ABCC3: variants seen among roughly 807,000 people sequenced by gnomAD.
ABCC3 encodes the protein ATP binding cassette subfamily C member 3.
In ABCC3, 121 loss-of-function variants were observed where a neutral mutation model predicts 165.3. The ratio of observed to expected loss-of-function variants is 0.73; its 90% confidence interval spans 0.63 to 0.85. The LOEUF is 0.85. ABCC3 is among the 40% of genes least tolerant of loss of function. The pLI is 0.00. For synonymous variants in ABCC3, 733 were observed against 810.1 expected, an observed-to-expected ratio of 0.90 and a Z score of 1.62; for missense variants, 1,869 against 1,964.1, an observed-to-expected ratio of 0.95 and a Z score of 0.92.
chr17:50,673,447 G>A (rs371465594), intron 18 of ABCC3, 22 bp from the exon 19 acceptor site: 2 of 1,610,184 alleles, frequency 1.2e-6, no homozygotes, highest in Admixed American at 1.7e-5. Flanking sequence ...GTAGGGGTGA[G>A]AGCCTGCTGC....
rs1597852092 is a variant in ABCC3, at chr17:50,665,005, C to T, written c.1339-148C>T. 6.0e-6 allele frequency: 4 copies of T among 662,082 alleles called. No individual in the cohort carries two copies. The East Asian group carries it at 7.9e-5, about 13-fold the overall frequency. The allele number at this position is 662,082 out of a possible 1,614,324, so 41.0% of individuals were successfully genotyped here. A position where few individuals can be genotyped will look rare whatever the true frequency, so the allele number is the denominator to read the frequency against. Reference sequence around the variant, plus strand: ...TCTACAAATGTTGTGGTCATTCTGACTTTCTATCTGTTTGGCCAACCACCA... The same window carrying T: ...TCTACAAATGTTGTGGTCATTCTGATTTTCTATCTGTTTGGCCAACCACCA... On this transcript the variant is annotated intron_variant, in intron 10 of 30. Transcript: ENST00000285238.
Position 50,676,363 on chromosome 17 carries a change from C to T in ABCC3, c.3153C>T (p.Asn1051=), listed in dbSNP as rs1487995039. ...TGTTGCACCAGGCACTGCTGCACAA[C>T]AAGATACGCTCGCCACAGTCCTTCT... ...ARVLHQALLH[N]KIRSPQSFFD... The change falls in exon 23 of 31, where the codon AAC becomes AAT. Residue 1051 remains asparagine, a synonymous_variant. Transcript: ENST00000285238. 4 of 1,614,222 alleles carry T rather than the reference C, an allele frequency of 2.5e-6. No individual in the cohort carries two copies. Among genetic ancestry groups the T allele is most frequent in the Non-Finnish European group, 3.4e-6 (4 of 1,180,024 alleles).
rs151133677 is a variant in ABCC3, at chr17:50,656,736, C to A, written c.257C>A (p.Ala86Glu). The change falls in exon 3 of 31, where the codon GCG becomes GAG. Residue 86 changes from alanine (A) to glutamate (E), a missense_variant. Physicochemically the swap from Ala to Glu is moderately radical, Grantham distance 107 (BLOSUM62 -1). Coordinates refer to ENST00000285238, the MANE Select transcript of ABCC3 (RefSeq NM_003786.4). ...LGVLLWCVSW[A>E]DLFYSFHGLV... ...GTCCTGCTGTGGTGCGTCTCCTGGGCGGACCTTTTTTACTCCTTCCATGGC... is the reference window on the plus strand; with the variant it reads ...GTCCTGCTGTGGTGCGTCTCCTGGGAGGACCTTTTTTACTCCTTCCATGGC... 1.2e-6 allele frequency: 2 copies of A among 1,613,908 alleles called. No individual in the cohort carries two copies. Among genetic ancestry groups the A allele is most frequent in the Admixed American group, 1.7e-5 (1 of 59,954 alleles).
intron 8 of ABCC3, among the ~76,000 whole-genome samples, chr17:50,662,548 A>G (rs969046696): frequency 6.6e-6 from 1 of 151,440 alleles, no homozygotes; most frequent in African/African-American, 2.4e-5. Flanking sequence ...TGAGGTGGGA[A>G]GACTGCCTGA....
intron 1 of ABCC3, among the ~76,000 whole-genome samples, chr17:50,651,648 C>T (rs1239374378): frequency 1.3e-5 from 2 of 152,146 alleles, no homozygotes; most frequent in East Asian, 3.8e-4. Context: ...TTGCTTGAGC[C>T]CAGGAGGCAG....
chr17:50,639,146 C>T (rs1044546167), intron 1 of ABCC3, among the ~76,000 whole-genome samples: 1 of 152,230 alleles, frequency 6.6e-6, no homozygotes, highest in Non-Finnish European at 1.5e-5. Flanking sequence ...GCTTAGCAGA[C>T]ACCATAGCTC....
At position 50,678,073 on chromosome 17, in the gene ABCC3, C is replaced by T. The variant is rs1294967344; in HGVS notation, c.3579-20C>T. ...CTGCCCTGCCCCTGCCCCATTTCCT[C>T]CTCATCTGATCCCCCATAGGTGGCT... On this transcript the variant is annotated intron_variant, in intron 24 of 30. Transcript: ENST00000285238. The T allele has an allele frequency of 3.1e-6, 5 of 1,612,662 alleles. No individual in the cohort carries two copies. The highest frequency in any genetic ancestry group is 3.4e-6 in the Non-Finnish European group (4 of 1,179,138).
rs564510046 is a variant in ABCC3 at position 50,642,546 on chromosome 17, G to T, written c.45+7565G>T. Among the ~76,000 whole-genome samples, 4 of 152,284 alleles carry T rather than the reference G, an allele frequency of 2.6e-5. No homozygotes were observed. The East Asian group carries it at 7.7e-4, about 29-fold the overall frequency. ...CCCTGAGTGTTGTCCCGTTGCCATC[G>T]AAGTGCTTTGCTGTTCATTCTCCCT... is the stretch of plus-strand genomic sequence containing the variant. On this transcript the variant is annotated intron_variant, in intron 1 of 30. Transcript: ENST00000285238.
chr17:50,663,929 C>A (rs1967461448), intron 9 of ABCC3, 21 bp from the exon 10 acceptor site: 1 of 1,614,208 alleles, frequency 6.2e-7, no homozygotes, highest in East Asian at 2.2e-5. Context: ...GCCAAGTCCA[C>A]CCACTACTGT....
rs559964733 is a variant in ABCC3, at chr17:50,691,878, A to T, written c.*678A>T. 1.3e-5 allele frequency: 2 copies of T among 152,390 alleles called. No homozygotes were observed. Among genetic ancestry groups the T allele is most frequent in the African/African-American group, 4.8e-5 (2 of 41,568 alleles). The allele number at this position is 152,390 out of a possible 1,614,324, so 9.4% of individuals were successfully genotyped here. On this transcript the variant is annotated 3_prime_UTR_variant, in exon 31 of 31. Transcript: ENST00000285238. ...AGCCAAAATTCCCTGGGTAATTGCC[A>T]GTAGCTCCTGCTCTGCTGTGCAGAT...
rs775945263 is a variant in ABCC3 at position 50,677,924 on chromosome 17, C to A, written c.3559C>A (p.Pro1187Thr). 2 of 1,614,122 alleles carry A rather than the reference C, an allele frequency of 1.2e-6. No individual in the cohort carries two copies. Residue 1187 changes from proline (P) to threonine (T), a missense_variant, in exon 24 of 31, where the codon CCC (proline) becomes ACC (threonine). Coordinates refer to ENST00000285238, the MANE Select transcript of ABCC3 (RefSeq NM_003786.4). ...GGATGCCAACCAGAGAAGCTGCTAC[C>A]CCTACATCATCTCCAACCGGTCAGA... ...KVDANQRSCY[P>T]YIISNRWLSI...
Position 50,691,074 on chromosome 17 carries a change from T to G in ABCC3, c.4476-18T>G. On this transcript the variant is annotated intron_variant, in intron 30 of 30. Transcript: ENST00000285238. ...CAGGGCTGATGGAAACCTGACCACT[T>G]CTCTCTTTTTTGACTAGGGTCCTGG... The G allele has an allele frequency of 1.9e-6, 3 of 1,600,946 alleles. No individual in the cohort carries two copies. The highest frequency in any genetic ancestry group is 2.6e-6 in the Non-Finnish European group (3 of 1,168,088).
chr17:50,667,525 TGCC>T, intron 11 of ABCC3, 26 bp from the exon 12 acceptor site: 1 of 1,585,088 alleles, frequency 6.3e-7, no homozygotes, highest in South Asian at 1.1e-5. Flanking sequence ...GGAGCAGGTG[TGCC>T]ACTGACACTC....
chr17:50,645,802 G>A (rs1725785613), intron 1 of ABCC3, among the ~76,000 whole-genome samples: 1 of 152,156 alleles, frequency 6.6e-6, no homozygotes, highest in South Asian at 2.1e-4. Context: ...GTCTTGCTAT[G>A]TTGCCCAGGC....
chr17:50,659,873 C>G (rs2146610070), intron 7 of ABCC3, among the ~76,000 whole-genome samples: 1 of 152,274 alleles, frequency 6.6e-6, no homozygotes, highest in Admixed American at 6.5e-5. Context: ...GTAGTCCCAG[C>G]TACTTGAGAG....
chr17:50,658,302 G>T (rs1967302290), intron 5 of ABCC3, 95 bp downstream of exon 5: 2 of 1,596,282 alleles, frequency 1.3e-6, no homozygotes, highest in South Asian at 1.1e-5. Flanking sequence ...CTTTCAAAGT[G>T]GGAGAGAGGT....
chr17:50,675,741 C>T lies in ABCC3; in HGVS notation c.2825C>T (p.Ala942Val). ...VQVTEAKADG[A>V]LTQEEKAAIG... Reference sequence around the variant, plus strand: ...GTGACAGAGGCGAAGGCAGATGGGGCACTGACCCAGGAGGAGAAAGCAGCC... The same window carrying T: ...GTGACAGAGGCGAAGGCAGATGGGGTACTGACCCAGGAGGAGAAAGCAGCC... The change falls in exon 21 of 31, where the codon GCA becomes GTA. Residue 942 changes from alanine (A) to valine (V), a missense_variant. Transcript: ENST00000285238. 6.4e-7 allele frequency: 1 copy of T among 1,563,304 alleles called. No homozygotes were observed. The highest frequency in any genetic ancestry group is 2.4e-5 in the East Asian group (1 of 42,010).
intron 6 of ABCC3, 168 bp from the exon 7 acceptor site, chr17:50,659,069 C>G: frequency 1.3e-6 from 1 of 765,848 alleles, no homozygotes; most frequent in Non-Finnish European, 2.1e-6. Flanking sequence ...CCAGTGACCT[C>G]AAGCCTATTC....
intron 11 of ABCC3, among the ~76,000 whole-genome samples, chr17:50,666,897 C>A (rs544469007): frequency 6.6e-6 from 1 of 152,252 alleles, no homozygotes; most frequent in Admixed American, 6.5e-5. Flanking sequence ...GGTTATGGAA[C>A]AAAAGGAAAG....
Sources: gnomAD v4.1 joint callset for allele counts (sites outside exome capture counted in the v4.1 genomes callset) on GRCh38, gnomAD v4.1.1 for gene constraint, MANE v1.5 for transcripts, NCBI Gene and HGNC (gene_info 2026-07-23, HGNC 2026-07-21) for gene names.